LIMS1: variants seen among roughly 807,000 people sequenced by gnomAD.
The protein encoded by LIMS1 is LIM zinc finger domain containing 1.
Under a neutral mutation model 44.1 loss-of-function variants are expected in LIMS1, and 18 were observed. The observed-to-expected ratio is 0.41, with a 90% CI of 0.28 to 0.61. The LOEUF (loss-of-function observed/expected upper bound fraction) is 0.61, where lower values mean the gene tolerates loss of function less well. Ranked by LOEUF, LIMS1 falls within the 20% of genes least tolerant of loss-of-function variation. LIMS1 has a pLI of 0.32. For synonymous variants in LIMS1, 93 were observed against 149.1 expected, an observed-to-expected ratio of 0.62 and a Z score of 2.74; for missense variants, 201 against 422.0, an observed-to-expected ratio of 0.48 and a Z score of 4.59.
chr2:108,540,664 T>A (rs1418094388), intron 1 of LIMS1, among the ~76,000 whole-genome samples: 2 of 152,234 alleles, frequency 1.3e-5, no homozygotes, highest in African/African-American at 2.4e-5. Context: ...AGTTGGAACC[T>A]ACTGAACTCA....
intron 1 of LIMS1, among the ~76,000 whole-genome samples, chr2:108,558,249 G>A (rs944328013): frequency 1.4e-5 from 2 of 146,354 alleles, no homozygotes; most frequent in Non-Finnish European, 3.0e-5. Context: ...ACGGAGTCTT[G>A]TTCTGTCGCC....
chr2:108,674,460 C>T (rs1329911622), intron 5 of LIMS1, among the ~76,000 whole-genome samples: 1 of 151,868 alleles, frequency 6.6e-6, no homozygotes, highest in Non-Finnish European at 1.5e-5. Flanking sequence ...CAGTGGCACA[C>T]GCCTGTAATC....
At chr2:108,619,553 G>A (rs1445792650) in intron 1 of LIMS1, among the ~76,000 whole-genome samples, 2 of 151,940 alleles carry the variant, frequency 1.3e-5, no homozygotes, top group African/African-American at 4.8e-5. Flanking sequence ...GCGTGGTGGC[G>A]CAAACCTGTA....
intron 1 of LIMS1, among the ~76,000 whole-genome samples, chr2:108,606,081 G>A (rs908850159): frequency 3.3e-5 from 5 of 152,234 alleles, no homozygotes; most frequent in African/African-American, 1.2e-4. Context: ...TGTAGTCACT[G>A]AGTATTCAGA....
chr2:108,676,745 A>C (rs1192735046), intron 7 of LIMS1, 47 bp downstream of exon 7: 1 of 1,099,510 alleles, frequency 9.1e-7, no homozygotes, highest in African/African-American at 1.5e-5. Context: ...TATGAACCTA[A>C]GCTTATCAGT....
rs897415451 is a variant in LIMS1, at chr2:108,607,115, C to T, written c.33-52490C>T. On this transcript the variant is annotated intron_variant, in intron 1 of 9. Transcript: ENST00000544547. ...AGCTTTCATGAATGAGATTACTGCC[C>T]TTATAAAATAGGCCCAAGGGAGCCT... The T allele has an allele frequency of 5.0e-6, 5 of 1,004,372 alleles. No individual in the cohort carries two copies. In the Admixed American group the frequency reaches 1.1e-4, roughly 23 times the overall value. 62.2% of individuals were successfully genotyped at this position (1,004,372 alleles called of 1,614,324 possible). A position where few individuals can be genotyped will look rare whatever the true frequency, so the allele number is the denominator to read the frequency against.
intron 1 of LIMS1, among the ~76,000 whole-genome samples, chr2:108,538,159 CTTTAAT>C (rs1355885511): frequency 1.3e-5 from 2 of 152,214 alleles, no homozygotes; most frequent in Non-Finnish European, 2.9e-5. Flanking sequence ...CTTCCAAAAA[CTTTAAT>C]TTTAAGACAC....
chr2:108,562,717 G>A (rs1051823045), intron 1 of LIMS1, among the ~76,000 whole-genome samples: 3 of 152,188 alleles, frequency 2.0e-5, no homozygotes, highest in Admixed American at 6.5e-5. Context: ...GATGTAGAAG[G>A]TGCACCAAGT....
intron 1 of LIMS1, among the ~76,000 whole-genome samples, chr2:108,641,786 T>G (rs1689685333): frequency 6.6e-6 from 1 of 152,258 alleles, no homozygotes; most frequent in African/African-American, 2.4e-5. Flanking sequence ...AATGGCATAT[T>G]AATTACAAAT....
chr2:108,639,757 A>G (rs563720619), intron 1 of LIMS1, among the ~76,000 whole-genome samples: 1 of 152,140 alleles, frequency 6.6e-6, no homozygotes, highest in Non-Finnish European at 1.5e-5. Context: ...AGCCGTGTAC[A>G]TGTATTTTAA....
intron 1 of LIMS1, among the ~76,000 whole-genome samples, chr2:108,571,064 T>C (rs991263127): frequency 6.6e-6 from 1 of 152,248 alleles, no homozygotes; most frequent in Non-Finnish European, 1.5e-5. Flanking sequence ...TTCCTTTCCT[T>C]TCTGCATCAG....
At chr2:108,556,425 G>A (rs1039062367) in intron 1 of LIMS1, among the ~76,000 whole-genome samples, 2 of 152,228 alleles carry the variant, frequency 1.3e-5, no homozygotes, top group African/African-American at 2.4e-5. Flanking sequence ...GAGCACTGGT[G>A]TACAAATATC....
intron 1 of LIMS1, among the ~76,000 whole-genome samples, chr2:108,621,881 A>G (rs1688268474): frequency 6.6e-6 from 1 of 152,118 alleles, no homozygotes; most frequent in Non-Finnish European, 1.5e-5. Context: ...GGTGCCATGG[A>G]GATTGTTACT....
intron 1 of LIMS1, among the ~76,000 whole-genome samples, chr2:108,629,807 A>G (rs1375109964): frequency 6.6e-6 from 1 of 152,192 alleles, no homozygotes; most frequent in Non-Finnish European, 1.5e-5. Flanking sequence ...AGAGAAGGCT[A>G]TGTGGCCTAG....
chr2:108,616,288 C>A (rs2148863306), intron 1 of LIMS1, among the ~76,000 whole-genome samples: 1 of 150,510 alleles, frequency 6.6e-6, no homozygotes, highest in African/African-American at 2.5e-5. Flanking sequence ...TCACTGCAGC[C>A]TCGACCTTCC....
intron 1 of LIMS1, among the ~76,000 whole-genome samples, chr2:108,547,640 C>T (rs1231947751): frequency 1.3e-5 from 2 of 152,180 alleles, no homozygotes; most frequent in Non-Finnish European, 2.9e-5. Flanking sequence ...TTGTGTTGAA[C>T]GCCTCTTTCT....
chr2:108,650,153 C>T (rs895481718), intron 1 of LIMS1, among the ~76,000 whole-genome samples: 7 of 152,244 alleles, frequency 4.6e-5, no homozygotes, highest in African/African-American at 1.2e-4. Context: ...ATGCCACTGC[C>T]GTGGCAGTAG....
chr2:108,563,968 A>T (rs796697156), intron 1 of LIMS1, among the ~76,000 whole-genome samples: 14 of 141,146 alleles, frequency 9.9e-5, no homozygotes, highest in African/African-American at 3.6e-4. Flanking sequence ...AGGTGGAAGG[A>T]TTGCTTAAGT....
At chr2:108,544,614 C>A (rs1684424399) in intron 1 of LIMS1, among the ~76,000 whole-genome samples, 1 of 152,140 alleles carries the variant, frequency 6.6e-6, no homozygotes, top group Non-Finnish European at 1.5e-5. Flanking sequence ...CCTGCCTCAG[C>A]CTCCCAAGTA....
Sources: allele counts gnomAD v4.1 joint callset (sites outside exome capture counted in the v4.1 genomes callset), GRCh38; gene constraint gnomAD v4.1.1; transcripts MANE v1.5; gene names NCBI Gene and HGNC (gene_info 2026-07-23, HGNC 2026-07-21).